The following DEFB112 variants were observed in gnomAD, a reference collection of about 807,000 sequenced individuals.
The protein encoded by DEFB112 is defensin beta 112.
DEFB112 carries 2 observed loss-of-function variants against 1.1 expected under a neutral mutation model. The observed-to-expected ratio is 1.85, with a 90% CI of 0.76 to 5.83. DEFB112 has a LOEUF of 5.83. Ranked by LOEUF, DEFB112 falls within the 30% of genes most tolerant of loss-of-function variation. The pLI is 0.05. For synonymous variants in DEFB112, 40 were observed against 31.2 expected (o/e 1.28, Z -0.93); for missense variants, 120 against 94.4 (o/e 1.27, Z -1.12).
chr6:50,047,990 A>C (rs545998635), intron 1 of DEFB112, among the ~76,000 whole-genome samples: 1 of 152,090 alleles, frequency 6.6e-6, no homozygotes, highest in East Asian at 1.9e-4. Context: ...TACTAAAAAT[A>C]CAAAAAATTA....
At chr6:50,044,545 T>C (rs1774802933) in intron 1 of DEFB112, among the ~76,000 whole-genome samples, 1 of 152,108 alleles carries the variant, frequency 6.6e-6, no homozygotes, top group Non-Finnish European at 1.5e-5. Flanking sequence ...AGGAATGATG[T>C]ATGTACCTAG....
intron 1 of DEFB112, among the ~76,000 whole-genome samples, chr6:50,047,571 T>C (rs1774854846): frequency 2.0e-5 from 3 of 152,188 alleles, no homozygotes. Context: ...TTTTCGTGCA[T>C]GGATAATTGT....
At chr6:50,048,666 G>A (rs748627626) in intron 1 of DEFB112, 12 of 1,572,598 alleles carry the variant, frequency 7.6e-6, no homozygotes, top group African/African-American at 6.8e-5. Flanking sequence ...GTGCTAAGAG[G>A]TTGTTAAGAG....
chr6:50,048,435 A>C, intron 1 of DEFB112: 2 of 937,420 alleles, frequency 2.1e-6, no homozygotes, highest in Non-Finnish European at 3.4e-6. Context: ...ATATAAGTAA[A>C]CAGGGACTGA....
chr6:50,046,100 C>A (rs1437282656), intron 1 of DEFB112, among the ~76,000 whole-genome samples: 1 of 151,906 alleles, frequency 6.6e-6, no homozygotes, highest in East Asian at 1.9e-4. Flanking sequence ...CATGTTTAAG[C>A]CAGGGTAAGC....
rs764773540 is a variant in DEFB112, at chr6:50,043,819, C to G, written c.59-18G>C. 5 of 1,607,384 alleles carry G rather than the reference C, an allele frequency of 3.1e-6. No homozygotes were observed. Among genetic ancestry groups the G allele is most frequent in the Admixed American group, 1.7e-5 (1 of 59,920 alleles). ...ACTTCTGGCTGAAAGAAGGCAAGAA[C>G]AGCTGGAATTAGTAATCTAGGTGGG... On this transcript the variant is annotated intron_variant, in intron 1 of 1. Transcript: ENST00000651554.
At chr6:50,047,908 G>A (rs10214615) in intron 1 of DEFB112, among the ~76,000 whole-genome samples, 2,150 of 152,226 alleles carry the variant, frequency 0.014, 50 homozygotes, top group African/African-American at 0.049. Flanking sequence ...CATTTTGGGA[G>A]GCCGTGGCAG....
rs1774757874 is a variant in DEFB112 at position 50,042,345 on chromosome 6, C to G, written c.*1230G>C. ...ATGCTTTTCCCTATGTGCCCAGGTA[C>G]TGTGTACAGGATATGTTTTGGTTAT... On this transcript the variant is annotated 3_prime_UTR_variant, in exon 2 of 2. Transcript: ENST00000651554. Among the ~76,000 whole-genome samples, 1 of 151,962 alleles carries G rather than the reference C, an allele frequency of 6.6e-6. No homozygotes were observed. The highest frequency in any genetic ancestry group is 1.5e-5 in the Non-Finnish European group (1 of 67,914).
At chr6:50,046,702 AT>A (rs1774842114) in intron 1 of DEFB112, among the ~76,000 whole-genome samples, 1 of 152,056 alleles carries the variant, frequency 6.6e-6, no homozygotes, top group Non-Finnish European at 1.5e-5. Flanking sequence ...TATATTCTAG[AT>A]TTAAGCCCTT....
intron 1 of DEFB112, among the ~76,000 whole-genome samples, chr6:50,048,147 CAA>C (rs1309539790): frequency 7.8e-6 from 1 of 127,532 alleles, no homozygotes; most frequent in Admixed American, 8.1e-5. Flanking sequence ...AACTCCGTCT[CAA>C]AAAAAAAAAA....
chr6:50,049,655 A>G (rs1449605933), intron 1 of DEFB112, among the ~76,000 whole-genome samples, 157 bp downstream of exon 1: 1 of 152,132 alleles, frequency 6.6e-6, no homozygotes, highest in Non-Finnish European at 1.5e-5. Flanking sequence ...TTGAAAAATT[A>G]TTCAAATATT....
At chr6:50,048,370 T>C (rs1036626562) in intron 1 of DEFB112, among the ~76,000 whole-genome samples, 7 of 152,172 alleles carry the variant, frequency 4.6e-5, no homozygotes, top group African/African-American at 1.7e-4. Flanking sequence ...GATTTCTTTC[T>C]TGTTTTAAAC....
At chr6:50,048,775 A>C in intron 1 of DEFB112, 1 of 616,524 alleles carries the variant, frequency 1.6e-6, no homozygotes, top group South Asian at 2.3e-5. Context: ...GGTCCTATAT[A>C]TTATAAAAGG....
chr6:50,046,798 T>C (rs766483764), intron 1 of DEFB112, among the ~76,000 whole-genome samples: 9 of 152,166 alleles, frequency 5.9e-5, no homozygotes, highest in Non-Finnish European at 1.0e-4. Flanking sequence ...AATTTTGCCA[T>C]TGAAGTGATT....
Position 50,046,608 on chromosome 6 carries a change from A to G in DEFB112, c.59-2807T>C, listed in dbSNP as rs200253073. ...AGCACTTTAAAGAGGTTGTTTATTC[A>G]CTCTTTCAAGTGGCTTAGGTCTTTT... On this transcript the variant is annotated intron_variant, in intron 1 of 1. Transcript: ENST00000651554. Among the ~76,000 whole-genome samples the G allele has an allele frequency of 2.5e-4, 37 of 150,860 alleles. No individual in the cohort carries two copies. In the East Asian group the frequency reaches 6.2e-3, roughly 25 times the overall value.
At chr6:50,045,134 G>A (rs1010801528) in intron 1 of DEFB112, among the ~76,000 whole-genome samples, 53 of 151,716 alleles carry the variant, frequency 3.5e-4, no homozygotes, top group African/African-American at 1.3e-3. Context: ...ATGAATAATG[G>A]TAATAATAAT....
intron 1 of DEFB112, among the ~76,000 whole-genome samples, chr6:50,045,940 T>C (rs993266636): frequency 3.3e-5 from 5 of 152,194 alleles, no homozygotes; most frequent in African/African-American, 1.2e-4. Flanking sequence ...GTTCAGTGGA[T>C]ACAATATTAC....
In DEFB112 at chr6:50,043,788, C is replaced by T. The variant is rs867348153; in HGVS notation, c.72G>A (p.Gly24=). Residue 24 remains glycine (G), a synonymous_variant, in exon 2 of 2, where the codon GGG becomes GGA. Transcript: ENST00000651554. ...GVLIPPARSE[G]HHITFSRWKS... ...TCCACCTACTAAAGGTGATATGGTG[C>T]CCTTCACTTCTGGCTGAAAGAAGGC... 1 of 1,613,232 alleles carries T rather than the reference C, an allele frequency of 6.2e-7. No individual in the cohort carries two copies. Among genetic ancestry groups the T allele is most frequent in the Admixed American group, 1.7e-5 (1 of 59,982 alleles).
chr6:50,048,402 G>A (rs1267070635), intron 1 of DEFB112: 1 of 786,510 alleles, frequency 1.3e-6, no homozygotes, highest in African/African-American at 1.8e-5. Context: ...TCTTCATAAA[G>A]CTATGAGGTG....
Sources: allele counts gnomAD v4.1 joint callset (sites outside exome capture counted in the v4.1 genomes callset), GRCh38; gene constraint gnomAD v4.1.1; transcripts MANE v1.5; gene names NCBI Gene and HGNC (gene_info 2026-07-23, HGNC 2026-07-21).